CCDC30: variants seen among roughly 807,000 people sequenced by gnomAD.
The protein encoded by CCDC30 is coiled-coil domain-containing protein 30.
Under a neutral mutation model 100.2 loss-of-function variants are expected in CCDC30, and 70 were observed. The observed-to-expected ratio is 0.70, with a 90% CI of 0.58 to 0.85. CCDC30 has a LOEUF of 0.85. CCDC30 is among the 40% of genes least tolerant of loss of function. The pLI, the probability that CCDC30 is intolerant of heterozygous loss-of-function variation, is 0.00. For missense variants in CCDC30, 652 were observed against 771.2 expected, an observed-to-expected ratio of 0.85 and a Z score of 1.83; for synonymous variants, 233 against 269.5, an observed-to-expected ratio of 0.86 and a Z score of 1.33.
At chr1:42,460,985 C>T (rs1459610399), upstream of CCDC30, among the ~76,000 whole-genome samples, 1 of 152,228 alleles carries the variant, frequency 6.6e-6, no homozygotes, top group East Asian at 1.9e-4. Context: ...ACTTCTCTTG[C>T]TGTCCTACGT....
chr1:42,497,968 G>A (rs918306922), intron 5 of CCDC30, among the ~76,000 whole-genome samples: 3 of 152,134 alleles, frequency 2.0e-5, no homozygotes, highest in African/African-American at 7.2e-5. Context: ...ACATAGATTT[G>A]TACATCCATA....
Position 42,532,610 on chromosome 1 carries a change from C to A in CCDC30, c.457-33686C>A, listed in dbSNP as rs182499085. The stretch of plus-strand genomic sequence containing the variant: ...ACATAATCTCATTTAATCCCAATAA[C>A]AGCGTTAGAAATAGACCTTGGAGTT... On this transcript the variant is annotated intron_variant, in intron 6 of 16. Coordinates refer to ENST00000668663, the Ensembl canonical transcript of CCDC30. Among the ~76,000 whole-genome samples, 123 of 152,260 alleles carry A rather than the reference C, an allele frequency of 8.1e-4. 2 individuals are homozygous for A. Among genetic ancestry groups the A allele is most frequent in the Middle Eastern group, 3.4e-3 (1 of 294 alleles).
chr1:42,585,624 GTGAAAGCTTAGATTAC>G (rs1333804215), intron 9 of CCDC30, among the ~76,000 whole-genome samples: 1 of 151,682 alleles, frequency 6.6e-6, no homozygotes, highest in African/African-American at 2.4e-5. Flanking sequence ...GTTTCCTAAG[GTGAAAGCTTAGATTAC>G]TGATTTTATA....
intron 14 of CCDC30, among the ~76,000 whole-genome samples, chr1:42,645,263 A>G (rs1647793104): frequency 6.6e-6 from 1 of 152,108 alleles, no homozygotes; most frequent in Non-Finnish European, 1.5e-5. Flanking sequence ...GTATGATTCT[A>G]GCCCCATCTA....
intron 10 of CCDC30, among the ~76,000 whole-genome samples, chr1:42,609,615 G>A (rs545908700): frequency 5.9e-5 from 9 of 152,090 alleles, no homozygotes; most frequent in African/African-American, 1.7e-4. Context: ...CAGTCCCAAA[G>A]TCAGTCCCTA....
rs571266456 is a variant in CCDC30 at position 42,598,972 on chromosome 1, C to G, written c.1164+9489C>G. Among the ~76,000 whole-genome samples, 11 of 152,178 alleles carry G rather than the reference C, an allele frequency of 7.2e-5. No individual in the cohort carries two copies. The East Asian group carries it at 2.1e-3, about 29-fold the overall frequency. On this transcript the variant is annotated intron_variant, in intron 10 of 16. Transcript: ENST00000668663. ...AAAAAAAATTAAGGGAATCTATTACCTTGCAAGAAATGTTAAAAGAAGTTC... is the reference window on the plus strand; with the variant it reads ...AAAAAAAATTAAGGGAATCTATTACGTTGCAAGAAATGTTAAAAGAAGTTC...
At chr1:42,632,026 T>G (rs1379636084) in intron 11 of CCDC30, among the ~76,000 whole-genome samples, 3 of 152,118 alleles carry the variant, frequency 2.0e-5, no homozygotes, top group Non-Finnish European at 4.4e-5. Flanking sequence ...TATTTTTCCC[T>G]CCAGTTTTCT....
intron 6 of CCDC30, among the ~76,000 whole-genome samples, chr1:42,550,341 A>T (rs752844009): frequency 4.6e-5 from 7 of 152,186 alleles, no homozygotes; most frequent in Non-Finnish European, 7.3e-5. Context: ...TCCATGGAGT[A>T]GCCAAATGGT....
downstream of CCDC30, among the ~76,000 whole-genome samples, chr1:42,656,415 G>C (rs11810120): frequency 0.07 from 10,685 of 152,242 alleles, 670 homozygotes; most frequent in African/African-American, 0.16. Flanking sequence ...TGGATCACTT[G>C]AGGCCAGGAG....
chr1:42,460,716 A>C (rs1302114600), upstream of CCDC30, among the ~76,000 whole-genome samples: 1 of 152,226 alleles, frequency 6.6e-6, no homozygotes, highest in Non-Finnish European at 1.5e-5. Flanking sequence ...TGTGCCACCT[A>C]TTAGCTTTAT....
At chr1:42,607,226 C>T (rs1269039150) in intron 10 of CCDC30, among the ~76,000 whole-genome samples, 1 of 152,030 alleles carries the variant, frequency 6.6e-6, no homozygotes, top group African/African-American at 2.4e-5. Flanking sequence ...GTACTCTGGC[C>T]TGGGCAACAG....
At chr1:42,653,486 G>A in intron 16 of CCDC30, 43 bp downstream of exon 20, 30 of 1,250,758 alleles carry the variant, frequency 2.4e-5, no homozygotes, top group Non-Finnish European at 2.9e-5. Context: ...TATCTGAGAT[G>A]GACTGTCAGC....
chr1:42,547,335 G>T (rs1208173950), intron 6 of CCDC30, among the ~76,000 whole-genome samples: 1 of 152,232 alleles, frequency 6.6e-6, no homozygotes, highest in African/African-American at 2.4e-5. Flanking sequence ...GGAGATGGAA[G>T]ATAGACCAAT....
At chr1:42,514,051 C>T (rs921802150) in intron 6 of CCDC30, among the ~76,000 whole-genome samples, 1 of 152,158 alleles carries the variant, frequency 6.6e-6, no homozygotes, top group African/African-American at 2.4e-5. Context: ...AATGCCCCAC[C>T]TCCAACATTG....
intron 1 of CCDC30, among the ~76,000 whole-genome samples, chr1:42,464,608 A>T (rs1423348557): frequency 6.6e-6 from 1 of 152,266 alleles, no homozygotes; most frequent in African/African-American, 2.4e-5. Flanking sequence ...CAATTGTTCT[A>T]AAAAGGCTGG....
At chr1:42,620,087 A>G (rs1056295333) in intron 11 of CCDC30, among the ~76,000 whole-genome samples, 2 of 152,212 alleles carry the variant, frequency 1.3e-5, no homozygotes, top group Admixed American at 1.3e-4. Flanking sequence ...TACTTTTGTT[A>G]GTATTATAGC....
At chr1:42,462,822 C>T (rs536451253), upstream of CCDC30, among the ~76,000 whole-genome samples, 2 of 152,300 alleles carry the variant, frequency 1.3e-5, no homozygotes, top group South Asian at 2.1e-4. Flanking sequence ...CAGTTTCTTC[C>T]TTTTTACAAT....
In CCDC30 at chr1:42,519,781, C is replaced by T. The variant is rs546590880; in HGVS notation, c.456+20865C>T. 1.9e-3 allele frequency among the ~76,000 whole-genome samples: 294 copies of T among 151,890 alleles called. 3 individuals carry two copies. Among genetic ancestry groups the T allele is most frequent in the African/African-American group, 6.9e-3 (284 of 41,426 alleles). On this transcript the variant is annotated intron_variant, in intron 6 of 16. Coordinates refer to ENST00000668663, the Ensembl canonical transcript of CCDC30. Reference sequence around the variant, plus strand: ...TGTTGGCCAGGCTGGTCTCAAACTCCTGACCTTGTGATTCGCCCACCTCAG... The same window carrying T: ...TGTTGGCCAGGCTGGTCTCAAACTCTTGACCTTGTGATTCGCCCACCTCAG...
intron 11 of CCDC30, among the ~76,000 whole-genome samples, chr1:42,621,645 A>G (rs570026581): frequency 2.2e-3 from 334 of 151,436 alleles, no homozygotes; most frequent in Non-Finnish European, 3.9e-3. Context: ...CGGAGTAGCT[A>G]GGACTACAGG....
Sources: allele counts gnomAD v4.1 joint callset (sites outside exome capture counted in the v4.1 genomes callset), GRCh38; gene constraint gnomAD v4.1.1; transcripts MANE v1.5; gene names NCBI Gene and HGNC (gene_info 2026-07-23, HGNC 2026-07-21).